Variants in WDPCP observed in about 807,000 individuals in gnomAD.
WDPCP encodes the protein WD repeat containing planar cell polarity effector, also known as WD repeat-containing and planar cell polarity effector protein fritz homolog.
Under a neutral mutation model 93.1 loss-of-function variants are expected in WDPCP, and 71 were observed. The ratio of observed to expected loss-of-function variants is 0.76; its 90% CI spans 0.63 to 0.93. WDPCP has a LOEUF of 0.93. Among genes scored for constraint, WDPCP ranks in the 40% least tolerant of loss-of-function variants. The pLI, the probability that WDPCP is intolerant of heterozygous loss-of-function variation, is 0.00. For missense variants in WDPCP, 844 were observed against 887.4 expected (o/e 0.95, Z 0.62); for synonymous variants, 315 against 315.0 (o/e 1.00, Z 0.00).
chr2:63,321,604 G>A (rs1687099321), intron 12 of WDPCP, among the ~76,000 whole-genome samples: 1 of 151,908 alleles, frequency 6.6e-6, no homozygotes, highest in African/African-American at 2.4e-5. Flanking sequence ...CATTTTATTT[G>A]GTACACGGAT....
At chr2:63,213,597 A>C (rs547520212) in intron 14 of WDPCP, among the ~76,000 whole-genome samples, 1 of 152,334 alleles carries the variant, frequency 6.6e-6, no homozygotes, top group East Asian at 1.9e-4. Context: ...TTCAAAAGCG[A>C]GCACAAGGCA....
chr2:63,307,555 G>A (rs1437102376), intron 13 of WDPCP, among the ~76,000 whole-genome samples: 1 of 152,056 alleles, frequency 6.6e-6, no homozygotes, highest in Non-Finnish European at 1.5e-5. Flanking sequence ...ATAGGCAAAT[G>A]GAACAGAGGC....
intron 2 of WDPCP, among the ~76,000 whole-genome samples, chr2:63,661,625 TAC>T (rs1047904038): frequency 9.9e-5 from 15 of 152,238 alleles, no homozygotes; most frequent in African/African-American, 3.4e-4. Flanking sequence ...TCATCTTAAA[TAC>T]ACACACAATT....
chr2:63,502,200 A>G (rs1199158974), intron 1 of WDPCP, among the ~76,000 whole-genome samples: 5 of 152,208 alleles, frequency 3.3e-5, no homozygotes, highest in African/African-American at 9.7e-5. Flanking sequence ...ACTGAACACC[A>G]CATCATGGAT....
intron 9 of WDPCP, among the ~76,000 whole-genome samples, chr2:63,408,468 A>G (rs1317274296): frequency 6.6e-6 from 1 of 152,156 alleles, no homozygotes; most frequent in African/African-American, 2.4e-5. Flanking sequence ...TCCTAACCTG[A>G]TACCATAGGG....
chr2:63,421,566 G>A (rs1435881531), intron 9 of WDPCP, among the ~76,000 whole-genome samples: 3 of 152,174 alleles, frequency 2.0e-5, no homozygotes, highest in African/African-American at 4.8e-5. Context: ...ATGCAAAAAT[G>A]TGAATCTAAA....
chr2:63,523,031 T>C (rs1304050125), intron 1 of WDPCP, among the ~76,000 whole-genome samples: 1 of 152,136 alleles, frequency 6.6e-6, no homozygotes, highest in Non-Finnish European at 1.5e-5. Flanking sequence ...CCAATATCCT[T>C]GATGAACAGA....
At chr2:63,266,911 G>C (rs1682178871) in intron 13 of WDPCP, among the ~76,000 whole-genome samples, 1 of 152,128 alleles carries the variant, frequency 6.6e-6, no homozygotes, top group Non-Finnish European at 1.5e-5. Context: ...ACTACCCAAA[G>C]TAATGTACTA....
intron 3 of WDPCP, among the ~76,000 whole-genome samples, chr2:63,611,827 G>C (rs1231387267): frequency 1.3e-5 from 2 of 152,054 alleles, no homozygotes; most frequent in Non-Finnish European, 2.9e-5. Flanking sequence ...TGAATAAATG[G>C]GTTCTTGTCA....
At chr2:63,811,419 AG>A (rs1670860705) in intron 2 of WDPCP, among the ~76,000 whole-genome samples, 1 of 152,176 alleles carries the variant, frequency 6.6e-6, no homozygotes, top group South Asian at 2.1e-4. Flanking sequence ...AGTAGCCTCT[AG>A]GAACTACAGG....
chr2:63,270,507 A>C (rs1389513718), intron 13 of WDPCP, among the ~76,000 whole-genome samples: 1 of 152,130 alleles, frequency 6.6e-6, no homozygotes, highest in Non-Finnish European at 1.5e-5. Flanking sequence ...AAGATGGCTA[A>C]CTAGAGGCAC....
chr2:63,127,820 G>T (rs1574668199), intron 17 of WDPCP, among the ~76,000 whole-genome samples: 1 of 151,730 alleles, frequency 6.6e-6, no homozygotes, highest in South Asian at 2.1e-4. Flanking sequence ...CACATTAAAA[G>T]AATGGGTTTC....
At chr2:63,426,452 G>C (rs1696304048) in intron 9 of WDPCP, among the ~76,000 whole-genome samples, 1 of 152,136 alleles carries the variant, frequency 6.6e-6, no homozygotes, top group Admixed American at 6.5e-5. Flanking sequence ...ACCAAACTAA[G>C]CTTCATAAGT....
chr2:63,778,252 G>A (rs1670334496), intron 2 of WDPCP, among the ~76,000 whole-genome samples: 1 of 151,370 alleles, frequency 6.6e-6, no homozygotes, highest in Non-Finnish European at 1.5e-5. Context: ...CTGTCTCCCA[G>A]GCTGGAGTGC....
chr2:63,684,960 G>A, intron 2 of WDPCP, among the ~76,000 whole-genome samples: 1 of 152,020 alleles, frequency 6.6e-6, no homozygotes, highest in East Asian at 1.9e-4. Flanking sequence ...CAAAACCAAT[G>A]GGGTACAGCA....
intron 17 of WDPCP, among the ~76,000 whole-genome samples, chr2:63,131,502 TAC>T (rs1417897243): frequency 6.6e-6 from 1 of 152,218 alleles, no homozygotes; most frequent in Non-Finnish European, 1.5e-5. Context: ...TGTTAAAACT[TAC>T]ATTTATATAT....
intron 12 of WDPCP, among the ~76,000 whole-genome samples, chr2:63,350,289 G>C (rs112589262): frequency 6.6e-6 from 1 of 152,202 alleles, no homozygotes; most frequent in East Asian, 1.9e-4. Flanking sequence ...GGGGCATGTC[G>C]GAGGGTGCAG....
chr2:63,228,040 AAT>A (rs1192923149), intron 14 of WDPCP, among the ~76,000 whole-genome samples: 1 of 152,084 alleles, frequency 6.6e-6, no homozygotes, highest in African/African-American at 2.4e-5. Context: ...AGTTGCTAAG[AAT>A]AATTTATCAT....
chr2:63,799,224 T>C lies in WDPCP; in HGVS notation n.308+14398A>G, dbSNP rs1670659804. On this transcript the variant is annotated intron_variant and non_coding_transcript_variant, in intron 2 of 4. Coordinates refer to the WDPCP transcript ENST00000467687. Reference sequence around the variant, plus strand: ...AGTAAAGTCCAAGAAATCTAGCCTATGAAGAAATTAGGAAGGATCACCAAT... The same window carrying C: ...AGTAAAGTCCAAGAAATCTAGCCTACGAAGAAATTAGGAAGGATCACCAAT... 2.0e-5 allele frequency among the ~76,000 whole-genome samples: 3 copies of C among 152,130 alleles called. No individual in the cohort carries two copies. The South Asian group carries it at 6.2e-4, about 31-fold the overall frequency.
Sources: gnomAD v4.1 joint callset for allele counts (sites outside exome capture counted in the v4.1 genomes callset) on GRCh38, gnomAD v4.1.1 for gene constraint, MANE v1.5 for transcripts, NCBI Gene and HGNC (gene_info 2026-07-23, HGNC 2026-07-21) for gene names.